The following ZNF248 variants were observed in gnomAD, a reference collection of about 807,000 sequenced individuals.
ZNF248 encodes KRAB protein domain.
In ZNF248, 20 loss-of-function variants were observed where a neutral mutation model predicts 44.3. The observed-to-expected ratio is 0.45, with a 90% CI of 0.32 to 0.66. ZNF248 has a LOEUF of 0.66. Among genes scored for constraint, ZNF248 ranks in the 30% least tolerant of loss-of-function variants. The probability of loss-of-function intolerance (pLI) is 0.04; values close to 1 mark genes in which losing one functional copy is unlikely to be tolerated. For synonymous variants in ZNF248, 224 were observed against 229.0 expected, an observed-to-expected ratio of 0.98 and a Z score of 0.20; for missense variants, 654 against 677.0, an observed-to-expected ratio of 0.97 and a Z score of 0.38.
intron 6 of ZNF248, among the ~76,000 whole-genome samples, chr10:37,801,054 G>T (rs1459838192): frequency 6.6e-6 from 1 of 151,640 alleles, no homozygotes; most frequent in Non-Finnish European, 1.5e-5. Context: ...GAGCCACTGT[G>T]CCCGGCCTAA....
In ZNF248 at chr10:37,782,417, T is replaced by C. The variant is rs558000148; in HGVS notation, c.331-5842A>G. Among the ~76,000 whole-genome samples, 4 of 151,928 alleles carry C rather than the reference T, an allele frequency of 2.6e-5. No homozygotes were observed. The South Asian group carries it at 8.3e-4, about 32-fold the overall frequency. On this transcript the variant is annotated intron_variant, in intron 6 of 6. Transcript: ENST00000615949. The stretch of plus-strand genomic sequence containing the variant: ...GATTTGGGGGCATATTGGGAAAAGG[T>C]GAATATATTTTGCACATAGGAAGGA...
At chr10:37,811,992 T>G (rs2133409291) in intron 6 of ZNF248, among the ~76,000 whole-genome samples, 1 of 151,998 alleles carries the variant, frequency 6.6e-6, no homozygotes, top group African/African-American at 2.4e-5. Flanking sequence ...TCCCAGCACT[T>G]TGGGAAGTCA....
chr10:37,776,388 G>A (rs1564446966), downstream of ZNF248: 1 of 384,614 alleles, frequency 2.6e-6, no homozygotes, highest in Non-Finnish European at 4.6e-6. Flanking sequence ...CTGAGCAGGA[G>A]GAAGAATTAC....
chr10:37,783,318 G>A (rs1380880001), intron 6 of ZNF248, among the ~76,000 whole-genome samples: 4 of 152,044 alleles, frequency 2.6e-5, no homozygotes, highest in Non-Finnish European at 5.9e-5. Context: ...ACTGTTAAAG[G>A]AGAGCATAAA....
intron 6 of ZNF248, among the ~76,000 whole-genome samples, chr10:37,812,996 C>A (rs1402807865): frequency 7.4e-6 from 1 of 134,398 alleles, no homozygotes; most frequent in Non-Finnish European, 1.6e-5. Context: ...TCAAGGAAAT[C>A]ATAAAAGAGA....
the ZNF248 span, among the ~76,000 whole-genome samples, chr10:37,761,348 A>T: frequency 2.0e-5 from 3 of 152,308 alleles, no homozygotes; most frequent in East Asian, 5.8e-4. Flanking sequence ...CTCATAAATG[A>T]CCATTTAGCA....
downstream of ZNF248, among the ~76,000 whole-genome samples, chr10:37,772,361 CTG>C (rs1471043668): frequency 1.3e-5 from 2 of 151,968 alleles, no homozygotes; most frequent in Admixed American, 6.6e-5. Context: ...ACTGTATGCA[CTG>C]TGTGTGTCTG....
chr10:37,767,667 A>G, the ZNF248 span, among the ~76,000 whole-genome samples: 1 of 152,216 alleles, frequency 6.6e-6, no homozygotes, highest in Non-Finnish European at 1.5e-5. Flanking sequence ...CCACTGCAAA[A>G]ACATGCCAAA....
chr10:37,854,946 A>G (rs1381866166), intron 3 of ZNF248, among the ~76,000 whole-genome samples: 1 of 152,238 alleles, frequency 6.6e-6, no homozygotes, highest in African/African-American at 2.4e-5. Flanking sequence ...GTTTATCAGA[A>G]CTTCAGAATA....
intron 6 of ZNF248, chr10:37,820,556 C>T: frequency 1.2e-6 from 2 of 1,601,698 alleles, no homozygotes; most frequent in East Asian, 2.2e-5. Flanking sequence ...AGGGCTGGTC[C>T]CTGGCCCGCT....
At chr10:37,849,623 C>T (rs1338454614) in intron 3 of ZNF248, among the ~76,000 whole-genome samples, 3 of 151,210 alleles carry the variant, frequency 2.0e-5, no homozygotes, top group African/African-American at 7.3e-5. Flanking sequence ...GGAGGTGGAG[C>T]TTGCAATGAA....
At chr10:37,778,053 T>C (rs1444658789) in intron 6 of ZNF248, among the ~76,000 whole-genome samples, 1 of 152,184 alleles carries the variant, frequency 6.6e-6, no homozygotes, top group Non-Finnish European at 1.5e-5. Context: ...ATATACCCAG[T>C]AATGGGATGG....
intron 6 of ZNF248, among the ~76,000 whole-genome samples, chr10:37,779,930 A>T (rs950517505): frequency 6.6e-5 from 10 of 151,018 alleles, no homozygotes; most frequent in African/African-American, 2.4e-4. Context: ...TTCAAAGAGA[A>T]TAAAATACCT....
In ZNF248 at chr10:37,829,301, T is replaced by A; in HGVS notation, c.*2314A>T. ...GGCAATGGCTTCCTGCTGATACAAGTCTCTGGGTGTTTCACTGTCCCTTGT... is the reference window on the plus strand; with the variant it reads ...GGCAATGGCTTCCTGCTGATACAAGACTCTGGGTGTTTCACTGTCCCTTGT... On this transcript the variant is annotated 3_prime_UTR_variant, in exon 6 of 6. Coordinates refer to ENST00000395867, the MANE Select transcript of ZNF248 (RefSeq NM_021045.3). The A allele has an allele frequency of 1.0e-6, 1 of 985,410 alleles. No homozygotes were observed. Among genetic ancestry groups the A allele is most frequent in the African/African-American group, 1.7e-5 (1 of 57,348 alleles). The allele number at this position is 985,410 out of a possible 1,614,324, so 61.0% of individuals were successfully genotyped here. A position where few individuals can be genotyped will look rare whatever the true frequency, so the allele number is the denominator to read the frequency against.
chr10:37,782,508 G>C (rs1276538828), intron 6 of ZNF248, among the ~76,000 whole-genome samples: 1 of 152,084 alleles, frequency 6.6e-6, no homozygotes, highest in African/African-American at 2.4e-5. Flanking sequence ...TGTCCTCCCA[G>C]AAAGACATGT....
At chr10:37,815,971 C>T (rs1162415101) in intron 6 of ZNF248, among the ~76,000 whole-genome samples, 1 of 138,488 alleles carries the variant, frequency 7.2e-6, no homozygotes. Flanking sequence ...CCAGTCCTTA[C>T]ATTTCTGGTT....
chr10:37,832,778 C>T lies in ZNF248; in HGVS notation c.577G>A (p.Asp193Asn). ...TAATTAATGGCATTCCTTTTTTGAT[C>T]ATATTTATAAGACTTCTCTCCAATA... The part of the protein sequence containing the change: ...IPIGEKSYKY[D>N]QKRNAINYHQ... Residue 193 changes from aspartate to asparagine, a missense_variant, in exon 6 of 6, where the codon GAT (aspartate) becomes AAT (asparagine). Transcript: ENST00000395867. 1 of 1,613,332 alleles carries T rather than the reference C, an allele frequency of 6.2e-7. No homozygotes were observed.
intron 6 of ZNF248, among the ~76,000 whole-genome samples, chr10:37,778,786 A>G (rs1246596698): frequency 6.6e-6 from 1 of 152,100 alleles, no homozygotes; most frequent in African/African-American, 2.4e-5. Flanking sequence ...TAAAGAAAAA[A>G]AGAGAGAAGA....
At chr10:37,762,875 T>G in the ZNF248 span, among the ~76,000 whole-genome samples, 23 of 152,230 alleles carry the variant, frequency 1.5e-4, no homozygotes, top group Non-Finnish European at 2.6e-4. Flanking sequence ...TTCCTTAAAC[T>G]AATTTAGGCT....
Sources: gnomAD v4.1 joint callset for allele counts (sites outside exome capture counted in the v4.1 genomes callset) on GRCh38, gnomAD v4.1.1 for gene constraint, MANE v1.5 for transcripts, NCBI Gene and HGNC (gene_info 2026-07-23, HGNC 2026-07-21) for gene names.